SUSD1: variants seen among roughly 807,000 people sequenced by gnomAD.
The protein encoded by SUSD1 is sushi domain containing 1.
A neutral mutation model predicts 86.9 loss-of-function variants in SUSD1; 65 were observed. The ratio of observed to expected loss-of-function variants is 0.75; its 90% CI spans 0.61 to 0.92. The LOEUF (loss-of-function observed/expected upper bound fraction) is 0.92. SUSD1 is among the 40% of genes least tolerant of loss of function. The pLI is 0.00. For missense variants in SUSD1, 850 were observed against 929.7 expected (o/e 0.91, Z 1.11); for synonymous variants, 346 against 350.0 (o/e 0.99, Z 0.13).
In SUSD1 at chr9:112,058,683, T is replaced by G. The variant is rs770903301; in HGVS notation, c.1854A>C (p.Ser618=). The G allele has an allele frequency of 1.9e-6, 3 of 1,613,872 alleles. No individual in the cohort carries two copies. The highest frequency in any genetic ancestry group is 2.2e-5 in the East Asian group (1 of 44,882). Residue 618 remains serine, a synonymous_variant, in exon 14 of 17, where the codon TCA becomes TCC. Coordinates refer to ENST00000374270, the MANE Select transcript of SUSD1 (RefSeq NM_022486.5). ...KAKEKNGPIS[S]YQVLVLPLAL... ...CCAGGGGAAGCACTAACACCTGATA[T>G]GAACTGGAAGAAAAAAGGAGAAGTG...
chr9:112,066,155 G>A (rs897979683), intron 12 of SUSD1, among the ~76,000 whole-genome samples: 1 of 152,144 alleles, frequency 6.6e-6, no homozygotes, highest in African/African-American at 2.4e-5. Context: ...CAATGCTTGC[G>A]TTCACTTTAC....
chr9:112,129,201 C>G (rs1457186881), intron 5 of SUSD1, among the ~76,000 whole-genome samples: 2 of 152,064 alleles, frequency 1.3e-5, no homozygotes, highest in East Asian at 3.8e-4. Context: ...ACTGAATGTT[C>G]GTGGTGATAG....
chr9:112,145,362 C>T (rs890261092), intron 3 of SUSD1, among the ~76,000 whole-genome samples: 2 of 150,430 alleles, frequency 1.3e-5, no homozygotes, highest in South Asian at 2.1e-4. Flanking sequence ...TTATTGCAAC[C>T]GCTGCCTCCT....
chr9:112,093,416 C>T (rs1029872136), intron 10 of SUSD1, among the ~76,000 whole-genome samples: 4 of 152,160 alleles, frequency 2.6e-5, no homozygotes, highest in African/African-American at 4.8e-5. Context: ...TGTCTGTCAC[C>T]GCCCTTTCCT....
At chr9:112,138,711 G>A (rs4979084) in intron 5 of SUSD1, among the ~76,000 whole-genome samples, 20,373 of 152,128 alleles carry the variant, frequency 0.13, 1,698 homozygotes, top group Middle Eastern at 0.2. Flanking sequence ...GCCTCCCAAA[G>A]TGCTGAGATT....
chr9:112,069,113 C>G (rs71503504), intron 12 of SUSD1, among the ~76,000 whole-genome samples: 5,505 of 151,926 alleles, frequency 0.036, 161 homozygotes, highest in South Asian at 0.1. Flanking sequence ...CACCAGGGAG[C>G]CAGTATCAAA....
chr9:112,054,542 G>A (rs1365311477), intron 14 of SUSD1, among the ~76,000 whole-genome samples: 2 of 151,452 alleles, frequency 1.3e-5, no homozygotes. Flanking sequence ...AGCCATGATT[G>A]CACCACTGCA....
At chr9:112,152,693 G>A (rs1833110331) in intron 2 of SUSD1, among the ~76,000 whole-genome samples, 1 of 148,896 alleles carries the variant, frequency 6.7e-6, no homozygotes, top group Non-Finnish European at 1.5e-5. Context: ...TAGATTGCAG[G>A]CATAAGCCAC....
chr9:112,082,744 G>A (rs1323675523), intron 10 of SUSD1, among the ~76,000 whole-genome samples: 3 of 151,980 alleles, frequency 2.0e-5, no homozygotes, highest in Non-Finnish European at 4.4e-5. Flanking sequence ...TTGAGACAGG[G>A]TCCTGTTCTG....
intron 15 of SUSD1, among the ~76,000 whole-genome samples, chr9:112,050,306 A>G (rs971909181): frequency 6.6e-6 from 1 of 152,212 alleles, no homozygotes; most frequent in African/African-American, 2.4e-5. Context: ...TCAGCAATCC[A>G]AGATGGCTGA....
intron 1 of SUSD1, among the ~76,000 whole-genome samples, chr9:112,165,989 G>A (rs1266057922): frequency 6.6e-6 from 1 of 151,560 alleles, no homozygotes; most frequent in Non-Finnish European, 1.5e-5. Context: ...AAGAAAGAAA[G>A]AAAGAAAATA....
chr9:112,121,525 T>C (rs147893179), intron 6 of SUSD1, among the ~76,000 whole-genome samples: 125 of 152,314 alleles, frequency 8.2e-4, no homozygotes, highest in Non-Finnish European at 1.7e-3. Context: ...GTATGCTAAA[T>C]AGATATCTAT....
chr9:112,173,136 G>A (rs78891448), intron 1 of SUSD1, among the ~76,000 whole-genome samples: 5,187 of 152,154 alleles, frequency 0.034, 214 homozygotes, highest in African/African-American at 0.086. Context: ...CCAAGCATCT[G>A]CAAGTCCTAT....
intron 10 of SUSD1, among the ~76,000 whole-genome samples, chr9:112,091,804 G>T (rs552932432): frequency 1.3e-5 from 2 of 152,240 alleles, no homozygotes; most frequent in East Asian, 3.9e-4. Context: ...ATGGTTCAAA[G>T]CTGGGAGCTT....
At chr9:112,069,898 C>T (rs917389578) in intron 12 of SUSD1, among the ~76,000 whole-genome samples, 2 of 152,200 alleles carry the variant, frequency 1.3e-5, no homozygotes, top group Non-Finnish European at 2.9e-5. Flanking sequence ...GTTTTCAAGG[C>T]ACCACAGTCA....
chr9:112,118,196 G>C (rs2131669057), intron 6 of SUSD1, among the ~76,000 whole-genome samples: 1 of 152,292 alleles, frequency 6.6e-6, no homozygotes, highest in East Asian at 1.9e-4. Flanking sequence ...ATTTCAAAAG[G>C]AATGTAACTG....
At chr9:112,171,448 A>G (rs1010636096) in intron 1 of SUSD1, among the ~76,000 whole-genome samples, 1 of 152,208 alleles carries the variant, frequency 6.6e-6, no homozygotes, top group Non-Finnish European at 1.5e-5. Context: ...ACCCACAAGG[A>G]GCTCTTAGTT....
chr9:112,127,171 A>C (rs746285721), intron 5 of SUSD1, among the ~76,000 whole-genome samples: 9 of 152,212 alleles, frequency 5.9e-5, no homozygotes, highest in Admixed American at 3.9e-4. Flanking sequence ...CAGGAGTTTG[A>C]GACCAGCCTG....
At chr9:112,138,948 C>T (rs1832438273) in intron 5 of SUSD1, among the ~76,000 whole-genome samples, 1 of 152,014 alleles carries the variant, frequency 6.6e-6, no homozygotes, top group Admixed American at 6.5e-5. Flanking sequence ...TCTTTGCATG[C>T]ACAAATAAAT....
Sources: gnomAD v4.1 joint callset for allele counts (sites outside exome capture counted in the v4.1 genomes callset) on GRCh38, gnomAD v4.1.1 for gene constraint, MANE v1.5 for transcripts, NCBI Gene and HGNC (gene_info 2026-07-23, HGNC 2026-07-21) for gene names.